Variants in WWOX observed in about 807,000 individuals in gnomAD.
The protein encoded by WWOX is WW domain containing oxidoreductase.
WWOX carries 69 observed loss-of-function variants against 46.2 expected under a neutral mutation model. The ratio of observed to expected loss-of-function variants is 1.49; its 90% CI spans 1.23 to 1.82. WWOX has a LOEUF of 1.82. Among genes scored for constraint, WWOX ranks in the 40% most tolerant of loss-of-function variants. The pLI, the probability that WWOX is intolerant of heterozygous loss-of-function variation, is 0.00. For synonymous variants in WWOX, 359 were observed against 202.6 expected (o/e 1.77, Z -6.56); for missense variants, 919 against 542.6 (o/e 1.69, Z -6.89).
chr16:78,464,068 C>T (rs2084016968), intron 8 of WWOX, among the ~76,000 whole-genome samples: 1 of 152,106 alleles, frequency 6.6e-6, no homozygotes. Flanking sequence ...AGAGCACACC[C>T]ACACCAGTGA....
intron 8 of WWOX, among the ~76,000 whole-genome samples, chr16:78,812,486 C>T (rs937298979): frequency 6.6e-6 from 1 of 152,084 alleles, no homozygotes; most frequent in Non-Finnish European, 1.5e-5. Flanking sequence ...CTTTGGGAGG[C>T]CGAGGTGGAC....
At chr16:78,929,526 C>T (rs78182874) in intron 8 of WWOX, among the ~76,000 whole-genome samples, 1 of 152,060 alleles carries the variant, frequency 6.6e-6, no homozygotes, top group Non-Finnish European at 1.5e-5. Flanking sequence ...CGAGTGGGAT[C>T]TGGGATCCGA....
In WWOX at chr16:78,763,910, C is replaced by G. The variant is rs183595971; in HGVS notation, c.1056+331158C>G. Among the ~76,000 whole-genome samples, 5 of 152,286 alleles carry G rather than the reference C, an allele frequency of 3.3e-5. No homozygotes were observed. The East Asian group carries it at 9.7e-4, about 29-fold the overall frequency. ...TTGTGTACACCCCAATGCCCCAAAACCCTCTTCTATTTCCTTTAGCACTCT... is the reference window on the plus strand; with the variant it reads ...TTGTGTACACCCCAATGCCCCAAAAGCCTCTTCTATTTCCTTTAGCACTCT... On this transcript the variant is annotated intron_variant, in intron 8 of 8. Coordinates refer to ENST00000566780, the MANE Select transcript of WWOX (RefSeq NM_016373.4).
chr16:78,848,972 T>G (rs58829602), intron 8 of WWOX, among the ~76,000 whole-genome samples: 64 of 152,246 alleles, frequency 4.2e-4, no homozygotes, highest in Middle Eastern at 3.4e-3. Context: ...GTGCTGAAAA[T>G]CATTTGCTGC....
intron 8 of WWOX, among the ~76,000 whole-genome samples, chr16:78,612,096 G>T (rs1276991381): frequency 6.6e-6 from 1 of 152,210 alleles, no homozygotes; most frequent in East Asian, 1.9e-4. Flanking sequence ...TTGGTAGATT[G>T]AGATGGAAAT....
chr16:78,799,011 C>T (rs767010803), intron 8 of WWOX, among the ~76,000 whole-genome samples: 2 of 152,138 alleles, frequency 1.3e-5, no homozygotes, highest in South Asian at 2.1e-4. Flanking sequence ...GAGCAAAATG[C>T]TTTTCCGGTG....
chr16:78,786,795 G>C (rs530873223), intron 8 of WWOX, among the ~76,000 whole-genome samples: 28 of 152,310 alleles, frequency 1.8e-4, no homozygotes, highest in East Asian at 5.8e-4. Flanking sequence ...TGCCAAGAAT[G>C]TTTCTAATAC....
chr16:78,518,575 C>G (rs1174474904), intron 8 of WWOX, among the ~76,000 whole-genome samples: 1 of 152,152 alleles, frequency 6.6e-6, no homozygotes. Context: ...GTACTTTTGT[C>G]CATTTCTACA....
At chr16:78,739,564 A>G (rs925580570) in intron 8 of WWOX, among the ~76,000 whole-genome samples, 1 of 152,178 alleles carries the variant, frequency 6.6e-6, no homozygotes, top group Non-Finnish European at 1.5e-5. Context: ...GTAATCCAGC[A>G]CTTTGGGAGG....
chr16:78,142,222 G>C (rs1251872742), intron 4 of WWOX, among the ~76,000 whole-genome samples: 2 of 152,048 alleles, frequency 1.3e-5, no homozygotes, highest in African/African-American at 4.8e-5. Flanking sequence ...ATTGAGTTGA[G>C]GCTTTGCAAC....
chr16:78,129,664 T>G (rs145715942), intron 4 of WWOX, among the ~76,000 whole-genome samples: 3 of 152,216 alleles, frequency 2.0e-5, no homozygotes, highest in African/African-American at 7.2e-5. Flanking sequence ...TCCAGATGTT[T>G]TTTGTATGGA....
intron 8 of WWOX, among the ~76,000 whole-genome samples, chr16:78,870,973 A>C (rs1186464586): frequency 6.6e-6 from 1 of 152,146 alleles, no homozygotes; most frequent in Non-Finnish European, 1.5e-5. Flanking sequence ...CAGAGTCTTA[A>C]GTGTCCCAAT....
intron 8 of WWOX, among the ~76,000 whole-genome samples, chr16:78,669,388 C>A (rs1477342335): frequency 1.3e-5 from 2 of 152,210 alleles, no homozygotes; most frequent in Non-Finnish European, 2.9e-5. Flanking sequence ...GATCCAGGGG[C>A]AGCATTGCTC....
At chr16:78,886,426 C>T (rs945100690) in intron 8 of WWOX, among the ~76,000 whole-genome samples, 6 of 151,738 alleles carry the variant, frequency 4.0e-5, no homozygotes, top group Non-Finnish European at 8.8e-5. Context: ...CACAAAAGAA[C>T]ATTTCCTCTT....
At chr16:78,192,167 C>G (rs1597333934) in intron 5 of WWOX, among the ~76,000 whole-genome samples, 1 of 152,000 alleles carries the variant, frequency 6.6e-6, no homozygotes, top group African/African-American at 2.4e-5. Context: ...CATAAGTACC[C>G]CCTTAATCTG....
intron 8 of WWOX, among the ~76,000 whole-genome samples, chr16:78,673,592 C>T (rs1284505051): frequency 6.6e-6 from 1 of 152,116 alleles, no homozygotes; most frequent in Non-Finnish European, 1.5e-5. Flanking sequence ...GGCAGGCACC[C>T]ATTAGTGTTG....
intron 5 of WWOX, among the ~76,000 whole-genome samples, chr16:78,377,340 T>C (rs1156597673): frequency 6.6e-6 from 1 of 152,248 alleles, no homozygotes; most frequent in African/African-American, 2.4e-5. Context: ...CTTTATCATA[T>C]GAATTTACCT....
chr16:78,493,638 A>G (rs1270112069), intron 8 of WWOX, among the ~76,000 whole-genome samples: 1 of 152,182 alleles, frequency 6.6e-6, no homozygotes, highest in Non-Finnish European at 1.5e-5. Flanking sequence ...TGTATCTAGT[A>G]CTTGCTATGC....
chr16:78,593,010 G>T (rs1211383893), intron 8 of WWOX, among the ~76,000 whole-genome samples: 2 of 152,268 alleles, frequency 1.3e-5, no homozygotes, highest in East Asian at 3.9e-4. Context: ...AGCTGCCAGG[G>T]AGGCTGGAAA....
Sources: gnomAD v4.1 joint callset for allele counts (sites outside exome capture counted in the v4.1 genomes callset) on GRCh38, gnomAD v4.1.1 for gene constraint, MANE v1.5 for transcripts, NCBI Gene and HGNC (gene_info 2026-07-23, HGNC 2026-07-21) for gene names.